RFX3: variants seen among roughly 807,000 people sequenced by gnomAD.
The protein encoded by RFX3 is transcription factor RFX3.
RFX3 carries 14 observed loss-of-function variants against 98.6 expected under a neutral mutation model. The ratio of observed to expected loss-of-function variants is 0.14; its 90% CI spans 0.09 to 0.22. RFX3 has a LOEUF of 0.22. Among genes scored for constraint, RFX3 ranks in the 10% least tolerant of loss-of-function variants. RFX3 has a pLI of 1.00. For missense variants in RFX3, 639 were observed against 926.9 expected, an observed-to-expected ratio of 0.69 and a Z score of 4.03; for synonymous variants, 383 against 328.4, an observed-to-expected ratio of 1.17 and a Z score of -1.80.
At chr9:3,477,758 ATCT>A (rs1425959251) in intron 1 of RFX3, among the ~76,000 whole-genome samples, 1 of 152,084 alleles carries the variant, frequency 6.6e-6, no homozygotes, top group Admixed American at 6.6e-5. Flanking sequence ...CCTCATTCTC[ATCT>A]TCTGGGAATC....
intron 4 of RFX3, among the ~76,000 whole-genome samples, chr9:3,314,129 C>T (rs1410385756): frequency 2.6e-5 from 4 of 152,142 alleles, no homozygotes; most frequent in Admixed American, 6.5e-5. Flanking sequence ...AGAGAAAGGT[C>T]GGGTTACCCA....
chr9:3,293,323 C>T, intron 5 of RFX3, 65 bp from the exon 6 acceptor site: 1 of 1,175,580 alleles, frequency 8.5e-7, no homozygotes, highest in Non-Finnish European at 1.2e-6. Flanking sequence ...CTACAAGACA[C>T]TGCAAATGCA....
At chr9:3,380,472 G>A (rs1340947325) in intron 2 of RFX3, among the ~76,000 whole-genome samples, 1 of 152,096 alleles carries the variant, frequency 6.6e-6, no homozygotes, top group Non-Finnish European at 1.5e-5. Flanking sequence ...CAGGGTTCAT[G>A]GCTCATAACA....
chr9:3,430,433 G>C (rs1325185454), intron 1 of RFX3, among the ~76,000 whole-genome samples: 1 of 152,142 alleles, frequency 6.6e-6, no homozygotes. Context: ...AAATAAGATA[G>C]AGATATAAAC....
At chr9:3,479,970 T>G (rs1238455023) in intron 1 of RFX3, among the ~76,000 whole-genome samples, 1 of 152,224 alleles carries the variant, frequency 6.6e-6, no homozygotes, top group African/African-American at 2.4e-5. Flanking sequence ...TAGCTGGTAT[T>G]GGCAAGCCAA....
At chr9:3,290,569 G>A (rs2991292) in intron 6 of RFX3, among the ~76,000 whole-genome samples, 17,110 of 151,982 alleles carry the variant, frequency 0.11, 2,663 homozygotes, top group African/African-American at 0.35. Flanking sequence ...GATTTTTGTG[G>A]TTTTGAAAAA....
chr9:3,394,017 G>A (rs975104978), intron 2 of RFX3, among the ~76,000 whole-genome samples: 2 of 152,008 alleles, frequency 1.3e-5, no homozygotes, highest in Non-Finnish European at 2.9e-5. Flanking sequence ...AGAAATAAAA[G>A]GAACATAAGC....
chr9:3,267,755 G>A (rs561166205), intron 11 of RFX3, among the ~76,000 whole-genome samples: 9 of 151,854 alleles, frequency 5.9e-5, no homozygotes, highest in Non-Finnish European at 1.3e-4. Flanking sequence ...TTTTTCTGTT[G>A]TATTATGTGC....
At chr9:3,243,704 G>C (rs1047058628) in intron 15 of RFX3, among the ~76,000 whole-genome samples, 2 of 152,158 alleles carry the variant, frequency 1.3e-5, no homozygotes, top group Non-Finnish European at 2.9e-5. Context: ...TAAAAGGAAA[G>C]TCTTTTTGCT....
chr9:3,229,026 G>T (rs1420242649), intron 15 of RFX3, 137 bp from the exon 16 acceptor site: 2 of 594,262 alleles, frequency 3.4e-6, no homozygotes, highest in Non-Finnish European at 5.7e-6. Context: ...CTAATTACAT[G>T]GATCACATAA....
chr9:3,368,136 T>C (rs191308413), intron 2 of RFX3, among the ~76,000 whole-genome samples: 24 of 152,308 alleles, frequency 1.6e-4, no homozygotes, highest in Admixed American at 1.3e-3. Context: ...ATGCAATTTA[T>C]TGCATAATAT....
intron 13 of RFX3, among the ~76,000 whole-genome samples, chr9:3,260,813 T>C (rs545997660): frequency 4.6e-5 from 7 of 150,718 alleles, no homozygotes; most frequent in Admixed American, 6.6e-5. Flanking sequence ...TCTAGATGGA[T>C]AGATGATATT....
intron 1 of RFX3, among the ~76,000 whole-genome samples, chr9:3,406,888 A>G (rs1402218430): frequency 6.6e-6 from 1 of 152,212 alleles, no homozygotes; most frequent in Non-Finnish European, 1.5e-5. Flanking sequence ...TTTTAAAATA[A>G]AGAAACAAGA....
chr9:3,484,014 C>A (rs1850037712), intron 1 of RFX3, among the ~76,000 whole-genome samples: 1 of 151,902 alleles, frequency 6.6e-6, no homozygotes, highest in African/African-American at 2.4e-5. Context: ...ATATAACATC[C>A]CAGGTGAATA....
At chr9:3,525,590 C>G (rs1313970920) in intron 1 of RFX3, among the ~76,000 whole-genome samples, 157 bp downstream of exon 1, 1 of 152,062 alleles carries the variant, frequency 6.6e-6, no homozygotes, top group African/African-American at 2.4e-5. Context: ...AACAGAGCCC[C>G]TCGGCGGCGG....
intron 7 of RFX3, among the ~76,000 whole-genome samples, chr9:3,281,351 T>C (rs571174244): frequency 6.6e-6 from 1 of 151,220 alleles, no homozygotes; most frequent in Admixed American, 6.6e-5. Context: ...CAGGTAAGAT[T>C]TCCATTGAAA....
chr9:3,511,458 G>C (rs1354321207), intron 1 of RFX3, among the ~76,000 whole-genome samples: 1 of 151,884 alleles, frequency 6.6e-6, no homozygotes, highest in Admixed American at 6.6e-5. Flanking sequence ...CTCATTCCCT[G>C]AAGATACTAA....
intron 4 of RFX3, among the ~76,000 whole-genome samples, chr9:3,329,251 T>C (rs935118298): frequency 1.3e-5 from 2 of 151,108 alleles, no homozygotes; most frequent in African/African-American, 4.9e-5. Context: ...TACTAAAAAA[T>C]ACAAAAATTA....
chr9:3,481,173 G>A (rs1849726711), intron 1 of RFX3, among the ~76,000 whole-genome samples: 1 of 152,014 alleles, frequency 6.6e-6, no homozygotes, highest in South Asian at 2.1e-4. Context: ...TACAAATAAA[G>A]AAACTGACAC....
Sources: gnomAD v4.1 joint callset for allele counts (sites outside exome capture counted in the v4.1 genomes callset) on GRCh38, gnomAD v4.1.1 for gene constraint, MANE v1.5 for transcripts, NCBI Gene and HGNC (gene_info 2026-07-23, HGNC 2026-07-21) for gene names.